Variants in SIPA1L3 observed in about 807,000 individuals in gnomAD.
SIPA1L3 encodes signal-induced proliferation-associated 1-like protein 3.
A neutral mutation model predicts 150.1 loss-of-function variants in SIPA1L3; 59 were observed. The observed-to-expected ratio is 0.39, with a 90% CI of 0.32 to 0.49. SIPA1L3 has a LOEUF of 0.49. SIPA1L3 is among the 20% of genes least tolerant of loss of function. The probability of loss-of-function intolerance (pLI) is 0.86; values close to 1 mark genes in which losing one functional copy is unlikely to be tolerated. For synonymous variants in SIPA1L3, 1,070 were observed against 1,077.6 expected, an observed-to-expected ratio of 0.99 and a Z score of 0.14; for missense variants, 2,211 against 2,489.5, an observed-to-expected ratio of 0.89 and a Z score of 2.38.
chr19:37,924,719 G>A (rs1330937290), intron 1 of SIPA1L3, among the ~76,000 whole-genome samples: 3 of 150,432 alleles, frequency 2.0e-5, no homozygotes, highest in Non-Finnish European at 4.4e-5. Context: ...ATGTAAACCA[G>A]TAACATAGTC....
rs201990719 is a variant in SIPA1L3, at chr19:38,100,158, A to C, written c.1854+8A>C. ...AAGCTCGATGAGCAAGGGGTGAGTC[A>C]GGGGCTGGAGGTGGGGGTGCTGCTG... On this transcript the variant is annotated splice_region_variant and intron_variant, in intron 5 of 21. Transcript: ENST00000222345. 2.5e-5 allele frequency: 39 copies of C among 1,541,726 alleles called. No individual in the cohort carries two copies. In the East Asian group the frequency reaches 9.7e-4, roughly 38 times the overall value.
intron 2 of SIPA1L3, among the ~76,000 whole-genome samples, chr19:38,074,111 G>A (rs947691370): frequency 6.6e-6 from 1 of 152,212 alleles, no homozygotes; most frequent in Admixed American, 6.5e-5. Context: ...CTTTTAGGGA[G>A]GAGGAGCTCG....
chr19:38,130,848 T>C, intron 10 of SIPA1L3, 76 bp downstream of exon 10: 1 of 1,470,054 alleles, frequency 6.8e-7, no homozygotes, highest in Non-Finnish European at 9.2e-7. Flanking sequence ...CCTGGCACTG[T>C]CACTTGAGGT....
intron 2 of SIPA1L3, among the ~76,000 whole-genome samples, chr19:38,062,997 G>A (rs1011174871): frequency 2.0e-5 from 3 of 152,048 alleles, no homozygotes; most frequent in Non-Finnish European, 4.4e-5. Context: ...TTCAGATTCC[G>A]GCTCCTCCTC....
chr19:38,147,975 C>A (rs967995934), intron 12 of SIPA1L3, among the ~76,000 whole-genome samples: 2 of 151,726 alleles, frequency 1.3e-5, no homozygotes, highest in African/African-American at 4.8e-5. Context: ...CCCGGGCTGT[C>A]AAGGCTTCAG....
At chr19:38,049,358 T>G (rs1969136091) in intron 2 of SIPA1L3, among the ~76,000 whole-genome samples, 2 of 152,176 alleles carry the variant, frequency 1.3e-5, no homozygotes, top group African/African-American at 2.4e-5. Flanking sequence ...ATCTCATTCT[T>G]TCGGTTTCTT....
Position 38,015,104 on chromosome 19 carries a change from C to G in SIPA1L3, c.-378-13985C>G, listed in dbSNP as rs142811462. Among the ~76,000 whole-genome samples, 243 of 152,288 alleles carry G rather than the reference C, an allele frequency of 1.6e-3. 1 individual carries two copies. Among genetic ancestry groups the G allele is most frequent in the African/African-American group, 5.7e-3 (237 of 41,552 alleles). On this transcript the variant is annotated intron_variant, in intron 1 of 21. Coordinates refer to ENST00000222345, the MANE Select transcript of SIPA1L3 (RefSeq NM_015073.3). ...TGCTGGGATTACAGGTGTGAGCCAC[C>G]ACGCCCAGCTCCATGCCAGATTTAA...
intron 2 of SIPA1L3, among the ~76,000 whole-genome samples, chr19:38,056,281 C>T (rs1377869087): frequency 6.6e-6 from 1 of 152,252 alleles, no homozygotes. Flanking sequence ...GCCTCTGTAC[C>T]CTCGGCAGGT....
intron 1 of SIPA1L3, among the ~76,000 whole-genome samples, chr19:37,980,598 C>T (rs1317080731): frequency 1.3e-5 from 2 of 152,162 alleles, no homozygotes; most frequent in East Asian, 1.9e-4. Context: ...GGGGGAAGGC[C>T]TGGGAGGCTG....
chr19:37,942,852 C>T (rs117225362), intron 1 of SIPA1L3, among the ~76,000 whole-genome samples: 1,937 of 151,980 alleles, frequency 0.013, 38 homozygotes, highest in Admixed American at 0.049. Flanking sequence ...GTAAGGATAG[C>T]CCCAGTCCCC....
At chr19:38,187,007 C>CAA (rs1046528016) in intron 16 of SIPA1L3, among the ~76,000 whole-genome samples, 1,708 of 80,218 alleles carry the variant, frequency 0.021, 41 homozygotes, top group African/African-American at 0.065. Context: ...AACTCTGTCT[C>CAA]AAAAAAAAAA....
chr19:38,082,575 A>G lies in SIPA1L3; in HGVS notation c.1010A>G (p.Gln337Arg), dbSNP rs762386348. The change falls in exon 3 of 22, where the codon CAG becomes CGG. Residue 337 changes from glutamine to arginine, a missense_variant. Coordinates refer to ENST00000222345, the MANE Select transcript of SIPA1L3 (RefSeq NM_015073.3). ...PPEASRPWVCQKSFAHFDVQS... is the reference protein window; with the variant it reads ...PPEASRPWVCRKSFAHFDVQS... ...GAAGCCAGCAGGCCGTGGGTGTGTC[A>G]GAAGAGCTTCGCCCACTTCGACGTG... The G allele has an allele frequency of 1.2e-6, 2 of 1,604,450 alleles. No individual in the cohort carries two copies. The highest frequency in any genetic ancestry group is 1.3e-5 in the African/African-American group (1 of 75,048).
At chr19:37,944,932 T>C (rs542258192) in intron 1 of SIPA1L3, among the ~76,000 whole-genome samples, 13 of 152,162 alleles carry the variant, frequency 8.5e-5, no homozygotes, top group South Asian at 8.3e-4. Context: ...GCCTGGGTGA[T>C]AGAGCGAGAC....
chr19:38,170,510 C>G (rs1338563383), intron 15 of SIPA1L3, among the ~76,000 whole-genome samples: 1 of 152,146 alleles, frequency 6.6e-6, no homozygotes, highest in African/African-American at 2.4e-5. Flanking sequence ...CATGAGCACT[C>G]ATTGACTGCC....
intron 1 of SIPA1L3, among the ~76,000 whole-genome samples, chr19:38,009,170 G>C (rs1256343470): frequency 1.3e-5 from 2 of 152,036 alleles, no homozygotes; most frequent in African/African-American, 4.8e-5. Context: ...GAGTAGCTGG[G>C]ATTACAGGTG....
At chr19:37,985,198 C>T (rs994481592) in intron 1 of SIPA1L3, among the ~76,000 whole-genome samples, 192 of 141,274 alleles carry the variant, frequency 1.4e-3, no homozygotes, top group African/African-American at 4.4e-3. Context: ...TTGTTTTTTT[C>T]TTTTTTTTTT....
chr19:38,142,746 C>T (rs1384614288), intron 12 of SIPA1L3, 36 bp downstream of exon 12: 11 of 1,581,352 alleles, frequency 7.0e-6, no homozygotes, highest in African/African-American at 1.3e-5. Context: ...GTTAAGGGAT[C>T]TGATGAAAGC....
intron 1 of SIPA1L3, among the ~76,000 whole-genome samples, chr19:38,000,213 T>C (rs1365360703): frequency 6.6e-6 from 1 of 152,070 alleles, no homozygotes; most frequent in African/African-American, 2.4e-5. Context: ...ACACCTGTAA[T>C]CCCAGCACTT....
chr19:38,208,209 T>C lies in SIPA1L3; in HGVS notation c.*1969T>C, dbSNP rs1973271768. 2 of 152,434 alleles carry C rather than the reference T, an allele frequency of 1.3e-5. No individual in the cohort carries two copies. Among genetic ancestry groups the C allele is most frequent in the African/African-American group, 4.8e-5 (2 of 41,412 alleles). The allele number at this position is 152,434 out of a possible 1,614,324, so 9.4% of individuals were successfully genotyped here. A position where few individuals can be genotyped will look rare whatever the true frequency, so the allele number is the denominator to read the frequency against. ...AATTTGAGGTTGATGTTCTATCCAA[T>C]GGCCGAAGATAGCAGCAGGTTTTTT... is the stretch of plus-strand genomic sequence containing the variant. On this transcript the variant is annotated 3_prime_UTR_variant, in exon 22 of 22. Transcript: ENST00000222345.
Sources: gnomAD v4.1 joint callset for allele counts (sites outside exome capture counted in the v4.1 genomes callset) on GRCh38, gnomAD v4.1.1 for gene constraint, MANE v1.5 for transcripts, NCBI Gene and HGNC (gene_info 2026-07-23, HGNC 2026-07-21) for gene names.